The following KCNH7 variants were observed in gnomAD, a reference collection of about 807,000 sequenced individuals.
KCNH7 encodes the protein potassium voltage-gated channel subfamily H member 7.
Under a neutral mutation model 120.8 loss-of-function variants are expected in KCNH7, and 49 were observed. That is an observed-to-expected ratio of 0.41 (90% CI 0.32 to 0.51). The LOEUF (loss-of-function observed/expected upper bound fraction) is 0.51. Ranked by LOEUF, KCNH7 falls within the 20% of genes least tolerant of loss-of-function variation. KCNH7 has a pLI of 0.38. For missense variants in KCNH7, 1,097 were observed against 1,446.6 expected, an observed-to-expected ratio of 0.76 and a Z score of 3.92; for synonymous variants, 547 against 516.1, an observed-to-expected ratio of 1.06 and a Z score of -0.81.
At chr2:162,595,325 C>T (rs1433987263) in intron 2 of KCNH7, among the ~76,000 whole-genome samples, 2 of 151,762 alleles carry the variant, frequency 1.3e-5, no homozygotes, top group Non-Finnish European at 2.9e-5. Flanking sequence ...GTAAACTGCC[C>T]CCATAATACA....
chr2:162,533,598 T>C (rs1274461095), intron 3 of KCNH7, among the ~76,000 whole-genome samples: 1 of 151,722 alleles, frequency 6.6e-6, no homozygotes, highest in Non-Finnish European at 1.5e-5. Flanking sequence ...TAAATGCTAA[T>C]TTATACTAAT....
chr2:162,720,794 T>C (rs1042461051), intron 2 of KCNH7, among the ~76,000 whole-genome samples: 11 of 152,090 alleles, frequency 7.2e-5, no homozygotes, highest in Non-Finnish European at 1.2e-4. Context: ...AAACCTCACT[T>C]GTTTGTCTTC....
intron 2 of KCNH7, among the ~76,000 whole-genome samples, chr2:162,637,307 C>T (rs1381996332): frequency 6.6e-6 from 1 of 152,020 alleles, no homozygotes; most frequent in Non-Finnish European, 1.5e-5. Flanking sequence ...CAGTGATTCC[C>T]CTTGCAACTT....
At position 162,709,042 on chromosome 2, in the gene KCNH7, T is replaced by C. The variant is rs16847189; in HGVS notation, c.307+127495A>G. Among the ~76,000 whole-genome samples the C allele has an allele frequency of 5.9e-5, 9 of 152,124 alleles. 1 individual carries two copies. The East Asian group carries it at 1.7e-3, about 29-fold the overall frequency. ...TTTATGATGGAGAGAAGTGGGGCAG[T>C]AGCATGCTGAAGCTCATCATTAAAA... is the stretch of plus-strand genomic sequence containing the variant. On this transcript the variant is annotated intron_variant, in intron 2 of 15. Transcript: ENST00000332142.
chr2:162,609,216 T>G (rs1363762908), intron 2 of KCNH7, among the ~76,000 whole-genome samples: 1 of 151,998 alleles, frequency 6.6e-6, no homozygotes, highest in Non-Finnish European at 1.5e-5. Flanking sequence ...TTGTAATTGT[T>G]TACTTCATCT....
At chr2:162,808,566 T>C (rs1415440965) in intron 2 of KCNH7, among the ~76,000 whole-genome samples, 1 of 152,164 alleles carries the variant, frequency 6.6e-6, no homozygotes, top group African/African-American at 2.4e-5. Flanking sequence ...AACTGTCAAT[T>C]CACATGTTAA....
chr2:162,510,506 C>T (rs867098849), intron 5 of KCNH7, among the ~76,000 whole-genome samples: 2 of 151,400 alleles, frequency 1.3e-5, no homozygotes, highest in Admixed American at 6.6e-5. Context: ...AATGTACCAC[C>T]TGTGCAAGGT....
intron 2 of KCNH7, among the ~76,000 whole-genome samples, chr2:162,637,791 T>C (rs1376415692): frequency 6.6e-6 from 1 of 152,042 alleles, no homozygotes; most frequent in Admixed American, 6.6e-5. Flanking sequence ...GAAGAGATTG[T>C]TGTGATTTAT....
chr2:162,416,710 C>T (rs1025221160), intron 9 of KCNH7, among the ~76,000 whole-genome samples: 38 of 152,008 alleles, frequency 2.5e-4, no homozygotes, highest in African/African-American at 8.7e-4. Flanking sequence ...GGAAATGATT[C>T]AGCATAGCTC....
intron 2 of KCNH7, among the ~76,000 whole-genome samples, chr2:162,616,113 G>T (rs1267528605): frequency 6.6e-6 from 1 of 152,126 alleles, no homozygotes; most frequent in African/African-American, 2.4e-5. Context: ...GGTTATGACA[G>T]GCATGACCCA....
chr2:162,486,606 C>T (rs151116301), intron 6 of KCNH7, among the ~76,000 whole-genome samples: 5 of 152,248 alleles, frequency 3.3e-5, no homozygotes, highest in East Asian at 3.9e-4. Context: ...CTATTACGCA[C>T]TTATTCCTAA....
intron 2 of KCNH7, among the ~76,000 whole-genome samples, chr2:162,642,957 T>C (rs909567838): frequency 6.6e-6 from 1 of 152,200 alleles, no homozygotes; most frequent in Non-Finnish European, 1.5e-5. Context: ...AGGGGAAATG[T>C]AAGATGAAAG....
intron 2 of KCNH7, among the ~76,000 whole-genome samples, chr2:162,572,955 A>C (rs558263505): frequency 6.6e-5 from 10 of 152,214 alleles, no homozygotes; most frequent in African/African-American, 1.9e-4. Context: ...CTAGATGACG[A>C]GTTAGTGGGT....
intron 2 of KCNH7, among the ~76,000 whole-genome samples, chr2:162,748,599 T>C (rs1177172996): frequency 6.6e-6 from 1 of 152,166 alleles, no homozygotes; most frequent in Non-Finnish European, 1.5e-5. Context: ...AAACAGACAT[T>C]CTTTTCCTTC....
intron 9 of KCNH7, among the ~76,000 whole-genome samples, chr2:162,420,418 A>G (rs1445599951): frequency 6.6e-6 from 1 of 151,856 alleles, no homozygotes; most frequent in African/African-American, 2.4e-5. Context: ...ACAAAACAAA[A>G]CACCATGATT....
chr2:162,803,289 A>T (rs1376488733), intron 2 of KCNH7, among the ~76,000 whole-genome samples: 1 of 151,834 alleles, frequency 6.6e-6, no homozygotes, highest in Non-Finnish European at 1.5e-5. Flanking sequence ...AATAGACAAA[A>T]GAAAAAGTAT....
chr2:162,642,524 G>A (rs980838677), intron 2 of KCNH7, among the ~76,000 whole-genome samples: 14 of 152,208 alleles, frequency 9.2e-5, no homozygotes, highest in Non-Finnish European at 1.6e-4. Flanking sequence ...GCTAATCACA[G>A]TACTTCCACA....
In KCNH7 at chr2:162,400,376, C is replaced by T. The variant is rs559866535; in HGVS notation, c.2220G>A (p.Leu740=). 6 of 1,612,352 alleles carry T rather than the reference C, an allele frequency of 3.7e-6. No individual in the cohort carries two copies. The East Asian group carries it at 1.1e-4, about 30-fold the overall frequency. The change falls in exon 10 of 16, where the codon CTG becomes CTA. Residue 740 remains leucine (L), a synonymous_variant. Coordinates refer to ENST00000332142, the MANE Select transcript of KCNH7 (RefSeq NM_033272.4). ...DICLHLNQTL[L]QNCKAFRGAS... ...CCCCCCGAAAGGCTTTGCAGTTTTG[C>T]AGCAATGTCTGGTTGAGATGTAGAC...
At chr2:162,673,195 T>C (rs1050268729) in intron 2 of KCNH7, among the ~76,000 whole-genome samples, 1 of 151,990 alleles carries the variant, frequency 6.6e-6, no homozygotes, top group Non-Finnish European at 1.5e-5. Context: ...ACTACAATTG[T>C]ACTGATGCCA....
Sources: allele counts gnomAD v4.1 joint callset (sites outside exome capture counted in the v4.1 genomes callset), GRCh38; gene constraint gnomAD v4.1.1; transcripts MANE v1.5; gene names NCBI Gene and HGNC (gene_info 2026-07-23, HGNC 2026-07-21).